The following HYDIN variants were observed in gnomAD, a reference collection of about 807,000 sequenced individuals.
HYDIN encodes the protein axonemal central pair apparatus protein HYDIN.
Under a neutral mutation model 403.9 loss-of-function variants are expected in HYDIN, and 132 were observed. The observed-to-expected ratio is 0.33, with a 90% CI of 0.28 to 0.38. HYDIN has a LOEUF of 0.38. Among genes scored for constraint, HYDIN ranks in the 10% least tolerant of loss-of-function variants. The probability of loss-of-function intolerance (pLI) is 1.00; values close to 1 mark genes in which losing one functional copy is unlikely to be tolerated. For synonymous variants in HYDIN, 1,202 were observed against 1,891.7 expected (o/e 0.64, Z 9.46); for missense variants, 2,827 against 5,009.5 (o/e 0.56, Z 13.15).
chr16:70,915,014 A>G (rs2076795686), intron 47 of HYDIN, among the ~76,000 whole-genome samples: 1 of 150,942 alleles, frequency 6.6e-6, no homozygotes, highest in East Asian at 1.9e-4. Context: ...TATGCTGTGT[A>G]TTTCATTGAA....
At chr16:71,219,765 G>C (rs895129517) in intron 1 of HYDIN, among the ~76,000 whole-genome samples, 4 of 152,124 alleles carry the variant, frequency 2.6e-5, no homozygotes, top group African/African-American at 9.7e-5. Context: ...AACCCTTCCA[G>C]CAATAATCCT....
intron 30 of HYDIN, among the ~76,000 whole-genome samples, chr16:70,977,068 C>T (rs575090799): frequency 2.0e-5 from 3 of 152,334 alleles, no homozygotes; most frequent in African/African-American, 7.2e-5. Context: ...TCTGCACGTA[C>T]CATCATATTC....
At chr16:70,941,971 T>C (rs898924301) in intron 42 of HYDIN, 152 bp from the exon 43 acceptor site, 25 of 342,982 alleles carry the variant, frequency 7.3e-5, no homozygotes, top group Admixed American at 2.0e-4. Flanking sequence ...GGTGCTGTCA[T>C]AAAATAAAAG....
intron 7 of HYDIN, among the ~76,000 whole-genome samples, chr16:71,139,947 T>C (rs549172805): frequency 2.3e-4 from 35 of 152,100 alleles, no homozygotes; most frequent in African/African-American, 7.0e-4. Flanking sequence ...TATATTGCAG[T>C]GAAACTGAAG....
At chr16:71,225,875 G>A (rs948111584) in intron 1 of HYDIN, among the ~76,000 whole-genome samples, 3 of 152,140 alleles carry the variant, frequency 2.0e-5, no homozygotes, top group Non-Finnish European at 4.4e-5. Context: ...TGCAAAAGTT[G>A]CATGTTAAAA....
At chr16:70,946,272 C>G (rs986533977) in intron 41 of HYDIN, among the ~76,000 whole-genome samples, 22 of 142,922 alleles carry the variant, frequency 1.5e-4, no homozygotes, top group African/African-American at 5.8e-4. Context: ...CTTCTGATTG[C>G]TGCAGCTTTC....
chr16:70,826,468 C>T (rs2036595188), intron 83 of HYDIN, among the ~76,000 whole-genome samples: 1 of 152,056 alleles, frequency 6.6e-6, no homozygotes, highest in Non-Finnish European at 1.5e-5. Context: ...ATAATATTCA[C>T]TTAAAGTTTT....
chr16:71,173,875 T>C (rs2086563369), intron 5 of HYDIN, among the ~76,000 whole-genome samples: 2 of 152,124 alleles, frequency 1.3e-5, no homozygotes, highest in Admixed American at 6.5e-5. Flanking sequence ...ACCTATTTTC[T>C]CCAGCACAGA....
chr16:70,927,559 CTGCTGGGCAGGAGCAGTCAAAG>C (rs574652685), intron 45 of HYDIN, among the ~76,000 whole-genome samples: 6,310 of 151,728 alleles, frequency 0.042, 126 homozygotes, highest in East Asian at 0.1. Flanking sequence ...CAGGGTAGCC[CTGCTGGGCAGGAGCAGTCAAAG>C]TGCTGGGCAG....
chr16:71,072,930 ACAACT>A (rs1177933775), intron 13 of HYDIN, among the ~76,000 whole-genome samples: 1 of 151,608 alleles, frequency 6.6e-6, no homozygotes, highest in Non-Finnish European at 1.5e-5. Context: ...GAGCCTTCTA[ACAACT>A]GACCTTGCAG....
chr16:70,995,295 T>C (rs2079493926), intron 23 of HYDIN, among the ~76,000 whole-genome samples: 1 of 152,194 alleles, frequency 6.6e-6, no homozygotes, highest in African/African-American at 2.4e-5. Context: ...TAGATTCAGT[T>C]ATTTTTAAAA....
At chr16:71,171,137 G>A (rs2086445702) in intron 5 of HYDIN, among the ~76,000 whole-genome samples, 2 of 152,048 alleles carry the variant, frequency 1.3e-5, no homozygotes, top group Non-Finnish European at 2.9e-5. Context: ...TGGCCTTCTC[G>A]TACTTTCCCG....
intron 25 of HYDIN, among the ~76,000 whole-genome samples, chr16:70,990,919 C>T (rs2079329864): frequency 6.6e-6 from 1 of 152,204 alleles, no homozygotes; most frequent in South Asian, 2.1e-4. Flanking sequence ...AGCAATTTAT[C>T]TTTCATTTTG....
At chr16:71,229,487 A>T (rs1333236354) in intron 1 of HYDIN, among the ~76,000 whole-genome samples, 1 of 152,230 alleles carries the variant, frequency 6.6e-6, no homozygotes, top group Non-Finnish European at 1.5e-5. Flanking sequence ...ACTTATTAAT[A>T]ATTACCAAAT....
intron 12 of HYDIN, among the ~76,000 whole-genome samples, chr16:71,087,036 A>AT (rs1458815446): frequency 1.3e-4 from 20 of 151,302 alleles, no homozygotes; most frequent in Non-Finnish European, 4.4e-5. Context: ...AACAACCCTC[A>AT]TTTTTCTCTT....
At chr16:71,007,420 A>C (rs558232824) in intron 23 of HYDIN, among the ~76,000 whole-genome samples, 3 of 152,330 alleles carry the variant, frequency 2.0e-5, no homozygotes, top group South Asian at 2.1e-4. Context: ...GATATATAGT[A>C]ATAAGATATA....
Position 71,038,196 on chromosome 16 carries a change from G to A in HYDIN, c.2530-6279C>T, listed in dbSNP as rs531431243. Among the ~76,000 whole-genome samples, 51 of 152,388 alleles carry A rather than the reference G, an allele frequency of 3.3e-4. No homozygotes were observed. In the South Asian group the frequency reaches 9.3e-3, roughly 28 times the overall value. ...GCGATCTTTTGTAATTCAGAATTCC[G>A]TGACCACTGGTGATGAGTGTTAAGC... On this transcript the variant is annotated intron_variant, in intron 18 of 85. Coordinates refer to ENST00000393567, the MANE Select transcript of HYDIN (RefSeq NM_001270974.2).
At chr16:71,136,675 G>A (rs1438046000) in intron 8 of HYDIN, among the ~76,000 whole-genome samples, 2 of 146,736 alleles carry the variant, frequency 1.4e-5, no homozygotes, top group Non-Finnish European at 3.0e-5. Flanking sequence ...GCTGAGGCAG[G>A]AGAATTGCTT....
chr16:71,165,685 A>G (rs2086190503), intron 5 of HYDIN, among the ~76,000 whole-genome samples: 1 of 152,090 alleles, frequency 6.6e-6, no homozygotes, highest in African/African-American at 2.4e-5. Flanking sequence ...GTGACGGGAA[A>G]TAAATCATGA....
Sources: allele counts gnomAD v4.1 joint callset (sites outside exome capture counted in the v4.1 genomes callset), GRCh38; gene constraint gnomAD v4.1.1; transcripts MANE v1.5; gene names NCBI Gene and HGNC (gene_info 2026-07-23, HGNC 2026-07-21).